Variants in PRKCQ observed in about 807,000 individuals in gnomAD.
PRKCQ encodes protein kinase C theta type.
Under a neutral mutation model 91.2 loss-of-function variants are expected in PRKCQ, and 41 were observed. That is an observed-to-expected ratio of 0.45 (90% CI 0.35 to 0.58). The LOEUF (loss-of-function observed/expected upper bound fraction) is 0.58, where lower values mean the gene tolerates loss of function less well. Ranked by LOEUF, PRKCQ falls within the 20% of genes least tolerant of loss-of-function variation. The pLI, the probability that PRKCQ is intolerant of heterozygous loss-of-function variation, is 0.00. For missense variants in PRKCQ, 673 were observed against 896.5 expected (o/e 0.75, Z 3.18); for synonymous variants, 307 against 316.9 (o/e 0.97, Z 0.33).
chr10:6,538,926 G>T (rs1839679460), intron 1 of PRKCQ, among the ~76,000 whole-genome samples: 1 of 152,112 alleles, frequency 6.6e-6, no homozygotes, highest in South Asian at 2.1e-4. Flanking sequence ...ACCACGCCCA[G>T]CTAATTTTTT....
At chr10:6,402,371 CAAAAAAAA>C in the PRKCQ span, among the ~76,000 whole-genome samples, 1 of 66,574 alleles carries the variant, frequency 1.5e-5, no homozygotes, top group Admixed American at 1.8e-4. Flanking sequence ...ATTTCAATGC[CAAAAAAAA>C]AAAAAAAAAA....
chr10:6,460,453 C>T (rs1835259652), intron 14 of PRKCQ, among the ~76,000 whole-genome samples: 1 of 151,714 alleles, frequency 6.6e-6, no homozygotes, highest in South Asian at 2.1e-4. Context: ...TCTCTCCAGT[C>T]CCTCCTAATT....
At chr10:6,466,678 C>T (rs987752425) in intron 12 of PRKCQ, among the ~76,000 whole-genome samples, 1 of 152,174 alleles carries the variant, frequency 6.6e-6, no homozygotes, top group Admixed American at 6.5e-5. Flanking sequence ...AAAATCCCAT[C>T]ATAAAAGGTA....
intron 12 of PRKCQ, among the ~76,000 whole-genome samples, chr10:6,477,082 C>A (rs1052398077): frequency 1.3e-5 from 2 of 152,172 alleles, no homozygotes; most frequent in African/African-American, 2.4e-5. Context: ...AATAGTTGAC[C>A]AGGACACCTC....
rs376337967 is a variant in PRKCQ at position 6,441,951 on chromosome 10, A to C, written c.1778T>G (p.Met593Arg). 8 of 1,613,964 alleles carry C rather than the reference A, an allele frequency of 5.0e-6. No individual in the cohort carries two copies. The highest frequency in any genetic ancestry group is 6.8e-6 in the Non-Finnish European group (8 of 1,179,970). ...DEEELFHSIR[M>R]DNPFYPRWLE... ...CCACCGTGGGTAAAAGGGATTGTCC[A>C]TGCGGATGGAGTGGAAGAGCTCCTC... Residue 593 changes from methionine (M) to arginine (R), a missense_variant, in exon 16 of 18, where the codon ATG (methionine) becomes AGG (arginine). By Grantham distance (91) the Met-to-Arg change is moderately conservative. Transcript: ENST00000263125.
intron 16 of PRKCQ, among the ~76,000 whole-genome samples, chr10:6,441,310 T>C (rs1222581946): frequency 1.3e-5 from 2 of 152,150 alleles, no homozygotes; most frequent in Non-Finnish European, 1.5e-5. Context: ...GCCTGGCTAA[T>C]TTTGTATTTT....
chr10:6,528,619 G>A (rs1015047670), intron 1 of PRKCQ, among the ~76,000 whole-genome samples: 1 of 152,186 alleles, frequency 6.6e-6, no homozygotes, highest in African/African-American at 2.4e-5. Context: ...TAGCCAAGAG[G>A]GCTTATGTGT....
At chr10:6,494,306 T>C (rs1019168471) in intron 7 of PRKCQ, among the ~76,000 whole-genome samples, 1 of 152,170 alleles carries the variant, frequency 6.6e-6, no homozygotes, top group Non-Finnish European at 1.5e-5. Context: ...GACTGTTTTG[T>C]TTATCTGTCT....
At position 6,449,625 on chromosome 10, in the gene PRKCQ, T is replaced by C. The variant is rs1200113106; in HGVS notation, c.1647+7049A>G. On this transcript the variant is annotated intron_variant, in intron 15 of 17. Transcript: ENST00000263125. ...TCGAGAAGAGCGACTCCAAGACACA[T>C]AATTGTCAGATTCACCAAAGTTGAA... 2.0e-5 allele frequency among the ~76,000 whole-genome samples: 3 copies of C among 151,780 alleles called. No homozygotes were observed. The East Asian group carries it at 5.8e-4, about 29-fold the overall frequency.
intron 1 of PRKCQ, among the ~76,000 whole-genome samples, chr10:6,573,945 C>G (rs1293496844): frequency 6.6e-6 from 1 of 152,118 alleles, no homozygotes; most frequent in Non-Finnish European, 1.5e-5. Context: ...GACAAAACAC[C>G]ATCTCTACAA....
At chr10:6,518,334 G>A (rs893851262) in intron 1 of PRKCQ, among the ~76,000 whole-genome samples, 1 of 152,102 alleles carries the variant, frequency 6.6e-6, no homozygotes, top group Non-Finnish European at 1.5e-5. Flanking sequence ...TTACTAAAGG[G>A]AAATGATCAG....
chr10:6,554,839 G>T (rs75349977), intron 1 of PRKCQ, among the ~76,000 whole-genome samples: 1 of 151,980 alleles, frequency 6.6e-6, no homozygotes, highest in Non-Finnish European at 1.5e-5. Context: ...AAAGACACAC[G>T]CATATCTATG....
At chr10:6,485,463 G>A (rs45567348) in intron 9 of PRKCQ, among the ~76,000 whole-genome samples, 194 bp from the exon 10 acceptor site, 2,221 of 152,260 alleles carry the variant, frequency 0.015, 51 homozygotes, top group African/African-American at 0.041. Context: ...TGCATTAGCC[G>A]AACACGTTTG....
At chr10:6,574,083 TC>T (rs1427260692) in intron 1 of PRKCQ, among the ~76,000 whole-genome samples, 1 of 152,160 alleles carries the variant, frequency 6.6e-6, no homozygotes, top group Non-Finnish European at 1.5e-5. Flanking sequence ...GCCACTGCAC[TC>T]CAGCCTGGGC....
intron 10 of PRKCQ, among the ~76,000 whole-genome samples, 153 bp downstream of exon 10, chr10:6,484,999 T>C (rs1269468664): frequency 2.0e-5 from 3 of 152,228 alleles, no homozygotes; most frequent in Non-Finnish European, 2.9e-5. Flanking sequence ...GGTTTTAGTT[T>C]CTTTTCTAAG....
downstream of PRKCQ, among the ~76,000 whole-genome samples, chr10:6,425,018 G>T (rs189199928): frequency 1.3e-5 from 2 of 152,330 alleles, no homozygotes; most frequent in African/African-American, 4.8e-5. Context: ...CTAGAAGGGG[G>T]ACAGGTAAGC....
intron 12 of PRKCQ, among the ~76,000 whole-genome samples, chr10:6,472,321 CA>C (rs201986487): frequency 6.6e-6 from 1 of 150,436 alleles, no homozygotes; most frequent in Non-Finnish European, 1.5e-5. Flanking sequence ...AAAAAACAAA[CA>C]AAAAAAAAGC....
At chr10:6,460,342 T>C (rs987246213) in intron 14 of PRKCQ, among the ~76,000 whole-genome samples, 8 of 151,958 alleles carry the variant, frequency 5.3e-5, no homozygotes, top group Admixed American at 5.2e-4. Context: ...CATGGTGACA[T>C]GATAGAAAGA....
chr10:6,458,212 G>T (rs1261295752), intron 14 of PRKCQ, among the ~76,000 whole-genome samples: 1 of 152,206 alleles, frequency 6.6e-6, no homozygotes, highest in African/African-American at 2.4e-5. Flanking sequence ...GGGATTATAG[G>T]CGTGAGCCAC....
Sources: gnomAD v4.1 joint callset for allele counts (sites outside exome capture counted in the v4.1 genomes callset) on GRCh38, gnomAD v4.1.1 for gene constraint, MANE v1.5 for transcripts, NCBI Gene and HGNC (gene_info 2026-07-23, HGNC 2026-07-21) for gene names.